The following LIN28B variants were observed in gnomAD, a reference collection of about 807,000 sequenced individuals.
The protein encoded by LIN28B is lin-28 RNA binding posttranscriptional regulator B.
In LIN28B, 5 loss-of-function variants were observed where a neutral mutation model predicts 21.9. That is an observed-to-expected ratio of 0.23 (90% CI 0.12 to 0.48). The LOEUF (loss-of-function observed/expected upper bound fraction) is 0.48. LIN28B is among the 20% of genes least tolerant of loss of function. The probability of loss-of-function intolerance (pLI) is 0.98; values close to 1 mark genes in which losing one functional copy is unlikely to be tolerated. For synonymous variants in LIN28B, 109 were observed against 111.3 expected (o/e 0.98, Z 0.13); for missense variants, 245 against 310.5 (o/e 0.79, Z 1.58).
At chr6:104,955,533 A>G (rs558192049), upstream of LIN28B, among the ~76,000 whole-genome samples, 61 of 152,268 alleles carry the variant, frequency 4.0e-4, no homozygotes, top group African/African-American at 1.5e-3. Flanking sequence ...TTAAATTTAT[A>G]TTTAGTTGTT....
chr6:104,990,576 T>A lies in LIN28B; in HGVS notation c.198+32290T>A, dbSNP rs567077783. On this transcript the variant is annotated intron_variant, in intron 2 of 3. Transcript: ENST00000345080. ...TCTTGTTTTTTATTTTTTATTTTTT[T>A]TTTTTTATTGATCATTCTTGGGTGT... Among the ~76,000 whole-genome samples, 234 of 151,208 alleles carry A rather than the reference T, an allele frequency of 1.5e-3. 1 individual carries two copies. The highest frequency in any genetic ancestry group is 1.7e-3 in the East Asian group (9 of 5,180).
intron 2 of LIN28B, among the ~76,000 whole-genome samples, chr6:105,019,209 A>C (rs1234254154): frequency 1.3e-5 from 2 of 152,170 alleles, no homozygotes; most frequent in African/African-American, 4.8e-5. Flanking sequence ...CAGCCTCCCA[A>C]AATGCTGGGA....
chr6:104,976,261 A>G (rs1770091844), intron 2 of LIN28B, among the ~76,000 whole-genome samples: 1 of 152,228 alleles, frequency 6.6e-6, no homozygotes. Flanking sequence ...AATTAGTATG[A>G]TAAAGACAAG....
At chr6:105,000,022 G>A (rs946333941) in intron 2 of LIN28B, among the ~76,000 whole-genome samples, 2 of 152,114 alleles carry the variant, frequency 1.3e-5, no homozygotes, top group Non-Finnish European at 1.5e-5. Context: ...CACCAGGGAA[G>A]GGGAAAGCTG....
chr6:104,995,211 T>C (rs1770574778), intron 2 of LIN28B, among the ~76,000 whole-genome samples: 1 of 152,076 alleles, frequency 6.6e-6, no homozygotes, highest in South Asian at 2.1e-4. Flanking sequence ...AGGAAAAGGG[T>C]AAAGGAGGCC....
upstream of LIN28B, among the ~76,000 whole-genome samples, chr6:104,955,731 G>A (rs1410897907): frequency 1.3e-5 from 2 of 150,392 alleles, no homozygotes; most frequent in African/African-American, 2.4e-5. Flanking sequence ...AGTGGTATCT[G>A]AACAGTTAGT....
chr6:105,071,744 G>A (rs1772337939), intron 3 of LIN28B, among the ~76,000 whole-genome samples: 2 of 152,164 alleles, frequency 1.3e-5, no homozygotes, highest in Non-Finnish European at 2.9e-5. Context: ...ATACTGCAGT[G>A]TGATTTAATG....
At chr6:105,028,520 G>C (rs1403814507) in intron 3 of LIN28B, among the ~76,000 whole-genome samples, 1 of 152,136 alleles carries the variant, frequency 6.6e-6, no homozygotes, top group African/African-American at 2.4e-5. Context: ...TTTGAAGGAA[G>C]AGACCATAGA....
intron 2 of LIN28B, among the ~76,000 whole-genome samples, chr6:105,011,411 A>G (rs773523799): frequency 6.6e-6 from 1 of 152,062 alleles, no homozygotes; most frequent in Non-Finnish European, 1.5e-5. Flanking sequence ...GTTGGTGTTT[A>G]ACTCCTGGGC....
At chr6:104,971,566 TAGAA>T (rs2114590700) in intron 2 of LIN28B, among the ~76,000 whole-genome samples, 1 of 152,304 alleles carries the variant, frequency 6.6e-6, no homozygotes, top group South Asian at 2.1e-4. Context: ...TTGAGCTACA[TAGAA>T]AGGCTACTTA....
chr6:104,965,030 A>G (rs1324705399), intron 2 of LIN28B, among the ~76,000 whole-genome samples: 1 of 152,192 alleles, frequency 6.6e-6, no homozygotes, highest in African/African-American at 2.4e-5. Flanking sequence ...AAATAAACTA[A>G]TGTAAACTGG....
intron 2 of LIN28B, among the ~76,000 whole-genome samples, chr6:104,944,126 TA>T (rs909052587): frequency 7.1e-5 from 8 of 113,144 alleles, no homozygotes; most frequent in Non-Finnish European, 1.5e-4. Flanking sequence ...ATATATTTCA[TA>T]AATTTTTTTT....
chr6:104,977,424 T>A (rs1055131717), intron 2 of LIN28B, among the ~76,000 whole-genome samples: 1 of 152,210 alleles, frequency 6.6e-6, no homozygotes, highest in Non-Finnish European at 1.5e-5. Flanking sequence ...TCAAAACCCT[T>A]TATAAATAAT....
intron 2 of LIN28B, among the ~76,000 whole-genome samples, chr6:104,998,482 A>G (rs1273874945): frequency 6.6e-6 from 1 of 152,154 alleles, no homozygotes; most frequent in Non-Finnish European, 1.5e-5. Flanking sequence ...TTGTGATTTT[A>G]AAATTTGTTT....
intron 3 of LIN28B, among the ~76,000 whole-genome samples, chr6:105,047,377 A>T (rs1771791751): frequency 6.6e-6 from 1 of 151,986 alleles, no homozygotes; most frequent in South Asian, 2.1e-4. Flanking sequence ...ATTGGTCTGT[A>T]TCCCTGTTTT....
intron 3 of LIN28B, among the ~76,000 whole-genome samples, chr6:105,046,349 T>C (rs1023711660): frequency 2.6e-5 from 4 of 152,224 alleles, no homozygotes; most frequent in Non-Finnish European, 4.4e-5. Flanking sequence ...CATGAACTCA[T>C]CCTTTTTTAT....
chr6:104,978,222 C>T (rs1261373428), intron 2 of LIN28B, among the ~76,000 whole-genome samples: 7 of 152,256 alleles, frequency 4.6e-5, no homozygotes, highest in African/African-American at 9.6e-5. Context: ...TATAGTTTAT[C>T]GCTAAGTCTA....
chr6:104,943,397 T>A (rs2114543077), intron 2 of LIN28B, among the ~76,000 whole-genome samples: 1 of 152,256 alleles, frequency 6.6e-6, no homozygotes, highest in Admixed American at 6.5e-5. Flanking sequence ...TGAATAACAG[T>A]CTTCAGGTGT....
upstream of LIN28B, among the ~76,000 whole-genome samples, chr6:104,954,865 A>C (rs1562561644): frequency 6.6e-6 from 1 of 152,160 alleles, no homozygotes; most frequent in Non-Finnish European, 1.5e-5. Context: ...TTAACAATAA[A>C]CAGATTCTGA....
Sources: gnomAD v4.1 joint callset for allele counts (sites outside exome capture counted in the v4.1 genomes callset) on GRCh38, gnomAD v4.1.1 for gene constraint, MANE v1.5 for transcripts, NCBI Gene and HGNC (gene_info 2026-07-23, HGNC 2026-07-21) for gene names.